Variants in CYRIA observed in about 807,000 individuals in gnomAD.
CYRIA encodes CYFIP-related Rac1 interactor A.
CYRIA carries 15 observed loss-of-function variants against 43.9 expected under a neutral mutation model. The ratio of observed to expected loss-of-function variants is 0.34; its 90% CI spans 0.23 to 0.53. CYRIA has a LOEUF of 0.53. CYRIA is among the 20% of genes least tolerant of loss of function. The probability of loss-of-function intolerance (pLI) is 0.94; values close to 1 mark genes in which losing one functional copy is unlikely to be tolerated. For missense variants in CYRIA, 236 were observed against 394.2 expected, an observed-to-expected ratio of 0.60 and a Z score of 3.40; for synonymous variants, 117 against 136.0, an observed-to-expected ratio of 0.86 and a Z score of 0.97.
chr2:16,605,541 T>G (rs1380500950), intron 2 of CYRIA, among the ~76,000 whole-genome samples: 2 of 152,184 alleles, frequency 1.3e-5, no homozygotes, highest in Non-Finnish European at 2.9e-5. Flanking sequence ...CTGCCTAATT[T>G]CAAATGGAAA....
At chr2:16,610,401 G>A (rs771800424) in intron 2 of CYRIA, among the ~76,000 whole-genome samples, 13 of 152,208 alleles carry the variant, frequency 8.5e-5, no homozygotes, top group Non-Finnish European at 1.8e-4. Flanking sequence ...CTTAAGACAT[G>A]GCCTGTGGCC....
chr2:16,576,581 C>A (rs1245182237), intron 3 of CYRIA, among the ~76,000 whole-genome samples: 6 of 152,146 alleles, frequency 3.9e-5, no homozygotes, highest in Admixed American at 3.3e-4. Flanking sequence ...CCTATGAATC[C>A]TGGAGCACAG....
At chr2:16,568,873 T>C (rs769448298) in intron 3 of CYRIA, among the ~76,000 whole-genome samples, 2 of 152,110 alleles carry the variant, frequency 1.3e-5, no homozygotes, top group Non-Finnish European at 2.9e-5. Flanking sequence ...GCTTGATAAG[T>C]TTTAGACAAA....
chr2:16,569,746 T>A (rs1234335117), intron 3 of CYRIA, among the ~76,000 whole-genome samples: 1 of 152,236 alleles, frequency 6.6e-6, no homozygotes, highest in Non-Finnish European at 1.5e-5. Flanking sequence ...AGTCCATGAT[T>A]CATTCTATTT....
chr2:16,575,474 C>T (rs372185404), intron 3 of CYRIA, among the ~76,000 whole-genome samples: 2 of 151,976 alleles, frequency 1.3e-5, no homozygotes, highest in African/African-American at 2.4e-5. Context: ...AGGGACCTAG[C>T]GGGAGGTAAC....
At chr2:16,614,972 T>G (rs1229734586) in intron 2 of CYRIA, among the ~76,000 whole-genome samples, 1 of 152,220 alleles carries the variant, frequency 6.6e-6, no homozygotes, top group Non-Finnish European at 1.5e-5. Context: ...GTGACTCCAT[T>G]AGATGGACTG....
At chr2:16,647,014 C>T (rs953084388) in intron 1 of CYRIA, among the ~76,000 whole-genome samples, 2 of 152,204 alleles carry the variant, frequency 1.3e-5, no homozygotes, top group Non-Finnish European at 2.9e-5. Context: ...CTTGGGACAT[C>T]TGAGCCCCTA....
chr2:16,645,845 A>T (rs903827711), intron 1 of CYRIA, among the ~76,000 whole-genome samples: 1 of 152,202 alleles, frequency 6.6e-6, no homozygotes, highest in Admixed American at 6.5e-5. Context: ...TATGCCTGGT[A>T]ATTTGGAGGG....
intron 2 of CYRIA, among the ~76,000 whole-genome samples, chr2:16,608,096 C>T (rs1363903203): frequency 6.6e-6 from 1 of 152,136 alleles, no homozygotes; most frequent in Admixed American, 6.5e-5. Flanking sequence ...CCTCCCCGCC[C>T]AACCACCAAG....
At chr2:16,570,756 A>G (rs1397714059) in intron 3 of CYRIA, among the ~76,000 whole-genome samples, 1 of 152,154 alleles carries the variant, frequency 6.6e-6, no homozygotes, top group East Asian at 1.9e-4. Context: ...TAGTCAAAGA[A>G]AGGTACAAAC....
chr2:16,559,452 A>T lies in CYRIA; in HGVS notation c.837+8T>A. 3.7e-6 allele frequency: 6 copies of T among 1,611,352 alleles called. No individual in the cohort carries two copies. The highest frequency in any genetic ancestry group is 1.7e-5 in the Admixed American group (1 of 59,846). ...TATTTGGAAAGCACATTTCACAACTATTCTTACATCGATCTTGGATGTCTT... is the reference window on the plus strand; with the variant it reads ...TATTTGGAAAGCACATTTCACAACTTTTCTTACATCGATCTTGGATGTCTT... On this transcript the variant is annotated splice_region_variant and intron_variant, in intron 10 of 11. Coordinates refer to ENST00000381323, the MANE Select transcript of CYRIA (RefSeq NM_030797.4).
intron 1 of CYRIA, among the ~76,000 whole-genome samples, chr2:16,655,188 G>C (rs1286285227): frequency 1.3e-5 from 2 of 152,178 alleles, no homozygotes; most frequent in African/African-American, 4.8e-5. Flanking sequence ...CAGACCCATG[G>C]GGAAGAGGGC....
rs544725757 is a variant in CYRIA, at chr2:16,625,422, G to C, written c.-166-1403C>G. Among the ~76,000 whole-genome samples the C allele has an allele frequency of 1.1e-4, 17 of 152,244 alleles. No homozygotes were observed. In the South Asian group the frequency reaches 3.5e-3, roughly 32 times the overall value. On this transcript the variant is annotated intron_variant, in intron 1 of 11. Transcript: ENST00000381323. ...AGGAAGAAAAAACAGGAAGTGAAGTGGGGGAGGAGGGAAGGAAATGATAGA... is the reference window on the plus strand; with the variant it reads ...AGGAAGAAAAAACAGGAAGTGAAGTCGGGGAGGAGGGAAGGAAATGATAGA...
In CYRIA at chr2:16,561,218, T is replaced by G. The variant is rs888339067; in HGVS notation, c.573A>C (p.Ala191=). Residue 191 remains alanine (A), a synonymous_variant, in exon 8 of 12, where the codon GCA becomes GCC. Coordinates refer to ENST00000381323, the MANE Select transcript of CYRIA (RefSeq NM_030797.4). Reference sequence around the variant, plus strand: ...GGGTTTTCAGCATTGGCGTGGCTTCTGCATAGAAGAGGGACATTCGATTGG... The same window carrying G: ...GGGTTTTCAGCATTGGCGTGGCTTCGGCATAGAAGAGGGACATTCGATTGG... ...EMANRMSLFY[A]EATPMLKTLS... is the part of the protein sequence containing the mutation. 1.1e-5 allele frequency: 18 copies of G among 1,613,868 alleles called. No homozygotes were observed. The highest frequency in any genetic ancestry group is 1.7e-4 in the Middle Eastern group (1 of 6,054).
intron 11 of CYRIA, among the ~76,000 whole-genome samples, chr2:16,553,966 C>A (rs1346937217): frequency 1.3e-5 from 2 of 152,136 alleles, no homozygotes. Flanking sequence ...AAGGCTCTTA[C>A]ATTAATACTA....
At chr2:16,664,964 C>G (rs798367) in intron 1 of CYRIA, among the ~76,000 whole-genome samples, 57,411 of 151,882 alleles carry the variant, frequency 0.38, 14,114 homozygotes, top group African/African-American at 0.7. Context: ...TCTGGGGATG[C>G]GTGGGGAAAT....
At chr2:16,664,305 C>T (rs184754350) in intron 1 of CYRIA, among the ~76,000 whole-genome samples, 38 of 152,256 alleles carry the variant, frequency 2.5e-4, no homozygotes, top group Non-Finnish European at 2.6e-4. Flanking sequence ...TGCCAGCCCC[C>T]AGCCTGGGCC....
At chr2:16,654,625 T>C (rs1404213054) in intron 1 of CYRIA, among the ~76,000 whole-genome samples, 2 of 152,196 alleles carry the variant, frequency 1.3e-5, no homozygotes, top group Non-Finnish European at 2.9e-5. Context: ...TTCAGTCCTA[T>C]GTCTTAAAGC....
chr2:16,612,482 A>G (rs1228273998), intron 2 of CYRIA, among the ~76,000 whole-genome samples: 1 of 152,230 alleles, frequency 6.6e-6, no homozygotes, highest in Non-Finnish European at 1.5e-5. Flanking sequence ...GCTATGCTTG[A>G]AAGTTAAAAG....
Sources: gnomAD v4.1 joint callset for allele counts (sites outside exome capture counted in the v4.1 genomes callset) on GRCh38, gnomAD v4.1.1 for gene constraint, MANE v1.5 for transcripts, NCBI Gene and HGNC (gene_info 2026-07-23, HGNC 2026-07-21) for gene names.